The following ATP2B4 variants were observed in gnomAD, a reference collection of about 807,000 sequenced individuals.
The protein encoded by ATP2B4 is ATPase plasma membrane Ca2+ transporting 4.
ATP2B4 carries 39 observed loss-of-function variants against 110.3 expected under a neutral mutation model. The ratio of observed to expected loss-of-function variants is 0.35; its 90% confidence interval spans 0.27 to 0.46. The LOEUF (loss-of-function observed/expected upper bound fraction) is 0.46, where lower values mean the gene tolerates loss of function less well. Ranked by LOEUF, ATP2B4 falls within the 20% of genes least tolerant of loss-of-function variation. The pLI is 1.00. For synonymous variants in ATP2B4, 538 were observed against 571.7 expected (o/e 0.94, Z 0.84); for missense variants, 1,135 against 1,530.9 (o/e 0.74, Z 4.32).
intron 15 of ATP2B4, 106 bp downstream of exon 15, chr1:203,714,383 G>T: frequency 3.2e-6 from 4 of 1,236,616 alleles, no homozygotes; most frequent in Non-Finnish European, 4.7e-6. Flanking sequence ...TAGCCCATGG[G>T]GTGCTTTTTT....
intron 15 of ATP2B4, among the ~76,000 whole-genome samples, chr1:203,716,452 C>G (rs1666159968): frequency 6.9e-6 from 1 of 144,894 alleles, no homozygotes; most frequent in Non-Finnish European, 1.5e-5. Context: ...TTCCAGACTC[C>G]CAAAAGGAAA....
Position 203,694,435 on chromosome 1 carries a change from G to C in ATP2B4, c.194-3722G>C, listed in dbSNP as rs141085442. 1.8e-3 allele frequency among the ~76,000 whole-genome samples: 276 copies of C among 152,322 alleles called. 4 individuals carry two copies. The East Asian group carries it at 0.029, about 16-fold the overall frequency. On this transcript the variant is annotated intron_variant, in intron 2 of 20. Transcript: ENST00000357681. ...ACTAAAAAGAAGATGTTTGTACAAA[G>C]ACCTGAGGGAGGTGAGGAAGTGAGC...
Position 203,739,946 on chromosome 1 carries a change from G to A in ATP2B4, c.*92G>A, listed in dbSNP as rs560843664. ...TGATGATGGGACTTTTCATTGTCAC[G>A]TCAGCTGCTGTGTTAACAGCAGTGT... is the stretch of plus-strand genomic sequence containing the variant. On this transcript the variant is annotated 3_prime_UTR_variant, in exon 21 of 21. Transcript: ENST00000357681. 47 of 1,316,902 alleles carry A rather than the reference G, an allele frequency of 3.6e-5. 1 individual carries two copies. In the South Asian group the frequency reaches 5.0e-4, roughly 14 times the overall value. The allele number at this position is 1,316,902 out of a possible 1,614,324, so 81.6% of individuals were successfully genotyped here. A position where few individuals can be genotyped will look rare whatever the true frequency, so the allele number is the denominator to read the frequency against.
intron 2 of ATP2B4, among the ~76,000 whole-genome samples, chr1:203,687,203 C>T (rs1483589419): frequency 6.8e-6 from 1 of 146,374 alleles, no homozygotes; most frequent in Non-Finnish European, 1.5e-5. Context: ...CCAACAGTGA[C>T]GTCCTAGTGT....
chr1:203,704,467 C>CT (rs35019828), intron 8 of ATP2B4, among the ~76,000 whole-genome samples: 2,592 of 68,728 alleles, frequency 0.038, 674 homozygotes, highest in African/African-American at 0.099. Flanking sequence ...AAGGAACAGT[C>CT]TTTTTTTTTT....
At chr1:203,640,819 G>A (rs1663604054) in intron 1 of ATP2B4, among the ~76,000 whole-genome samples, 1 of 152,200 alleles carries the variant, frequency 6.6e-6, no homozygotes, top group African/African-American at 2.4e-5. Flanking sequence ...TGCACCCTTA[G>A]TTTAGCCCAT....
In ATP2B4 at chr1:203,740,146, C is replaced by G. The variant is rs1179769858; in HGVS notation, c.*292C>G. ...TTTTTAAAGAAATGATGACAATCCT[C>G]TTGGCATCACCCCACCCCACATTCT... On this transcript the variant is annotated 3_prime_UTR_variant, in exon 21 of 21. Coordinates refer to ENST00000357681, the MANE Select transcript of ATP2B4 (RefSeq NM_001684.5). The G allele has an allele frequency of 1.2e-5, 4 of 346,116 alleles. No individual in the cohort carries two copies. The East Asian group carries it at 2.1e-4, about 19-fold the overall frequency. The allele number at this position is 346,116 out of a possible 1,614,324, so 21.4% of individuals were successfully genotyped here. A position where few individuals can be genotyped will look rare whatever the true frequency, so the allele number is the denominator to read the frequency against.
In ATP2B4 at chr1:203,649,702, G is replaced by A. The variant is rs1663917508; in HGVS notation, c.-465+22483G>A. Among the ~76,000 whole-genome samples, 4 of 152,288 alleles carry A rather than the reference G, an allele frequency of 2.6e-5. No homozygotes were observed. In the South Asian group the frequency reaches 8.3e-4, roughly 32 times the overall value. On this transcript the variant is annotated intron_variant, in intron 1 of 20. Transcript: ENST00000357681. The stretch of plus-strand genomic sequence containing the variant: ...CCAGCTACTCAAGAGGCTGAGGTGG[G>A]AGGATCACTGAGCCCAGGAAGGTTG...
At chr1:203,642,262 T>A (rs1310560884) in intron 1 of ATP2B4, among the ~76,000 whole-genome samples, 1 of 152,112 alleles carries the variant, frequency 6.6e-6, no homozygotes, top group African/African-American at 2.4e-5. Flanking sequence ...AAAAAAAATT[T>A]TTTTTAGAAA....
intron 1 of ATP2B4, among the ~76,000 whole-genome samples, chr1:203,637,225 A>G (rs368155999): frequency 2.5e-4 from 38 of 152,262 alleles, no homozygotes; most frequent in African/African-American, 8.9e-4. Context: ...AGGTCAGGAG[A>G]TTGAAACCAT....
At chr1:203,634,536 C>T (rs993613703) in intron 1 of ATP2B4, among the ~76,000 whole-genome samples, 4 of 152,154 alleles carry the variant, frequency 2.6e-5, no homozygotes, top group African/African-American at 9.7e-5. Flanking sequence ...ACTATAATAG[C>T]TGATTTAGTC....
intron 1 of ATP2B4, among the ~76,000 whole-genome samples, chr1:203,660,633 C>T (rs1664310260): frequency 6.6e-6 from 1 of 151,888 alleles, no homozygotes; most frequent in Non-Finnish European, 1.5e-5. Flanking sequence ...AACCCCATCT[C>T]TGCTGAAAAT....
At chr1:203,721,502 G>A in intron 17 of ATP2B4, 92 bp downstream of exon 17, 1 of 1,317,202 alleles carries the variant, frequency 7.6e-7, no homozygotes, top group Non-Finnish European at 1.1e-6. Context: ...GCACAGGTCA[G>A]GAATAAGCGC....
At chr1:203,720,973 A>G (rs993515371) in intron 16 of ATP2B4, among the ~76,000 whole-genome samples, 1 of 152,140 alleles carries the variant, frequency 6.6e-6, no homozygotes, top group Non-Finnish European at 1.5e-5. Flanking sequence ...TATATGCACT[A>G]TCTGTATTCT....
intron 1 of ATP2B4, among the ~76,000 whole-genome samples, chr1:203,679,007 T>TTCAGGTGTCTGAGCAGTTCATTTG (rs1553246877): frequency 6.6e-6 from 1 of 152,208 alleles, no homozygotes. Flanking sequence ...TGTAAAGCAT[T>TTCAGGTGTCTGAGCAGTTCATTTG]ATGATTTCTT....
At chr1:203,729,668 A>T (rs766905133) in intron 20 of ATP2B4, 1 of 1,238,494 alleles carries the variant, frequency 8.1e-7, no homozygotes, top group Non-Finnish European at 1.1e-6. Context: ...TGGCTGCCTC[A>T]CCTATCCAGG....
chr1:203,715,587 G>A lies in ATP2B4; in HGVS notation c.2406+1310G>A, dbSNP rs1008582268. On this transcript the variant is annotated intron_variant, in intron 15 of 20. Transcript: ENST00000357681. ...TTTCTTTTCATTATATGGGGGGATG[G>A]TGTGGGGCAAAAAAAAAAATTTCAT... Among the ~76,000 whole-genome samples the A allele has an allele frequency of 1.7e-4, 24 of 141,624 alleles. 2 individuals carry two copies. The highest frequency in any genetic ancestry group is 6.3e-4 in the African/African-American group (24 of 38,318). The allele number at this position is 141,624 out of a possible 152,430, so 92.9% of individuals were successfully genotyped here.
intron 1 of ATP2B4, among the ~76,000 whole-genome samples, chr1:203,637,200 G>A (rs975208143): frequency 6.6e-6 from 1 of 152,204 alleles, no homozygotes; most frequent in African/African-American, 2.4e-5. Context: ...GGAAGGCCGA[G>A]GCAGGCGGAT....
chr1:203,735,002 C>CAAAAAAAAAAAAAAAAAAAAA (rs35552196), intron 20 of ATP2B4, among the ~76,000 whole-genome samples: 2 of 57,130 alleles, frequency 3.5e-5, no homozygotes, highest in Non-Finnish European at 5.9e-5. Context: ...GACTCCATCT[C>CAAAAAAAAAAAAAAAAAAAAA]AAAAAAAAAA....
Sources: gnomAD v4.1 joint callset for allele counts (sites outside exome capture counted in the v4.1 genomes callset) on GRCh38, gnomAD v4.1.1 for gene constraint, MANE v1.5 for transcripts, NCBI Gene and HGNC (gene_info 2026-07-23, HGNC 2026-07-21) for gene names.